The following UMAD1 variants were observed in gnomAD, a reference collection of about 807,000 sequenced individuals.
UMAD1 encodes the protein UBAP1-MVB12-associated (UMA) domain containing 1, also known as UBAP1-MVB12-associated (UMA)-domain containing protein 1.
Under a neutral mutation model 6.1 loss-of-function variants are expected in UMAD1, and 8 were observed. The observed-to-expected ratio is 1.30, with a 90% confidence interval of 0.76 to 2.35. UMAD1 has a LOEUF of 2.35. Among genes scored for constraint, UMAD1 ranks in the 30% most tolerant of loss-of-function variants. The pLI, the probability that UMAD1 is intolerant of heterozygous loss-of-function variation, is 0.00. For synonymous variants in UMAD1, 56 were observed against 31.4 expected (o/e 1.78, Z -2.61); for missense variants, 130 against 78.4 (o/e 1.66, Z -2.49).
At chr7:7,676,566 T>C (rs1322361462) in intron 2 of UMAD1, among the ~76,000 whole-genome samples, 1 of 152,222 alleles carries the variant, frequency 6.6e-6, no homozygotes, top group East Asian at 1.9e-4. Context: ...AGTTGTATTC[T>C]CTACAATTGA....
rs193031188 is a variant in UMAD1 at position 7,658,538 on chromosome 7, C to T, written c.-63-14771C>T. On this transcript the variant is annotated intron_variant, in intron 1 of 3. Transcript: ENST00000682710. ...AGTATGAAGGGCTGTTGAATTTTAT[C>T]GAAGGCCTTTTCTGCATCTATTGAG... 7.4e-3 allele frequency among the ~76,000 whole-genome samples: 1,125 copies of T among 152,226 alleles called. 23 individuals carry two copies. The highest frequency in any genetic ancestry group is 0.026 in the African/African-American group (1,071 of 41,526).
chr7:7,866,026 C>A (rs1295370480), intron 3 of UMAD1, among the ~76,000 whole-genome samples: 1 of 152,106 alleles, frequency 6.6e-6, no homozygotes, highest in Non-Finnish European at 1.5e-5. Context: ...GAGTCACAAA[C>A]CAGTTTATCT....
chr7:7,777,596 T>C (rs1406166216), intron 2 of UMAD1, among the ~76,000 whole-genome samples: 1 of 145,558 alleles, frequency 6.9e-6, no homozygotes, highest in Non-Finnish European at 1.5e-5. Context: ...TATATATATA[T>C]ATATATGTAA....
intron 2 of UMAD1, among the ~76,000 whole-genome samples, chr7:7,758,406 T>A (rs1457382738): frequency 6.6e-6 from 1 of 152,118 alleles, no homozygotes; most frequent in East Asian, 1.9e-4. Flanking sequence ...TTTTTACCCA[T>A]CTTTTTATCT....
intron 2 of UMAD1, among the ~76,000 whole-genome samples, chr7:7,693,856 C>A (rs1251037892): frequency 6.6e-6 from 1 of 151,858 alleles, no homozygotes; most frequent in Non-Finnish European, 1.5e-5. Context: ...ATAATTTTTC[C>A]TCTGTGGTGG....
chr7:7,791,931 G>C (rs1782574458), intron 2 of UMAD1, among the ~76,000 whole-genome samples: 1 of 152,168 alleles, frequency 6.6e-6, no homozygotes, highest in Non-Finnish European at 1.5e-5. Context: ...TTTTAACGTA[G>C]ACTACCTGTT....
chr7:7,844,787 C>T (rs902407656), intron 3 of UMAD1, among the ~76,000 whole-genome samples: 1 of 152,144 alleles, frequency 6.6e-6, no homozygotes, highest in African/African-American at 2.4e-5. Flanking sequence ...GCTAGTGATC[C>T]ATCTAATATG....
intron 1 of UMAD1, among the ~76,000 whole-genome samples, chr7:7,666,693 T>C (rs1171688766): frequency 2.0e-5 from 3 of 152,206 alleles, no homozygotes; most frequent in South Asian, 4.1e-4. Context: ...TGAGCTGTTT[T>C]TTCATTATTG....
intron 3 of UMAD1, among the ~76,000 whole-genome samples, chr7:7,847,276 C>A (rs1783822308): frequency 1.3e-5 from 2 of 150,702 alleles, no homozygotes; most frequent in Non-Finnish European, 3.0e-5. Flanking sequence ...TAGTTCTGAG[C>A]AAACCAAGAT....
chr7:7,875,070 G>A (rs969498136), intron 3 of UMAD1, among the ~76,000 whole-genome samples: 18 of 152,166 alleles, frequency 1.2e-4, no homozygotes, highest in Middle Eastern at 6.8e-3. Context: ...CACCGTGCCC[G>A]GCCCAGAAAA....
intron 1 of UMAD1, among the ~76,000 whole-genome samples, chr7:7,653,479 CTG>C (rs1785272569): frequency 6.6e-6 from 1 of 152,140 alleles, no homozygotes; most frequent in Non-Finnish European, 1.5e-5. Context: ...AGGAAAAAAA[CTG>C]TGGTTTTCAC....
At position 7,847,103 on chromosome 7, in the gene UMAD1, AAATATATATATATAT is replaced by A. The variant is rs1267625305; in HGVS notation, c.157-30176_157-30162del. ...ACAGCAATGCAAAAAAAAAAAAAAA[AAATATATATATATAT>A]ATATATATATATATATATATATATA... On this transcript the variant is annotated intron_variant, in intron 3 of 3. Coordinates refer to ENST00000682710, the MANE Select transcript of UMAD1 (RefSeq NM_001302348.2). Among the ~76,000 whole-genome samples, 24 of 20,766 alleles carry A rather than the reference AAATATATATATATAT, an allele frequency of 1.2e-3. 3 individuals carry two copies. The highest frequency in any genetic ancestry group is 2.2e-3 in the African/African-American group (6 of 2,692). The allele number at this position is 20,766 out of a possible 152,430, so 13.6% of individuals were successfully genotyped here.
intron 3 of UMAD1, among the ~76,000 whole-genome samples, chr7:7,867,992 G>A (rs1784264097): frequency 6.6e-6 from 1 of 151,980 alleles, no homozygotes; most frequent in Non-Finnish European, 1.5e-5. Context: ...GGTGGTTGCT[G>A]TTTTCTCTGT....
intron 2 of UMAD1, among the ~76,000 whole-genome samples, chr7:7,743,031 T>C (rs1781504942): frequency 6.6e-6 from 1 of 152,204 alleles, no homozygotes; most frequent in Non-Finnish European, 1.5e-5. Flanking sequence ...TATATATGTG[T>C]TTACATTCCT....
At chr7:7,789,409 GA>G (rs1782521591) in intron 2 of UMAD1, among the ~76,000 whole-genome samples, 1 of 150,128 alleles carries the variant, frequency 6.7e-6, no homozygotes, top group Non-Finnish European at 1.5e-5. Context: ...AACTAAAATT[GA>G]AAAAGTACCA....
intron 2 of UMAD1, among the ~76,000 whole-genome samples, chr7:7,760,853 A>T (rs1781874572): frequency 6.6e-6 from 1 of 152,172 alleles, no homozygotes; most frequent in South Asian, 2.1e-4. Context: ...TTTTTTGAAA[A>T]GTTTTACTAG....
chr7:7,742,816 G>A (rs1473734888), intron 2 of UMAD1, among the ~76,000 whole-genome samples: 1 of 152,018 alleles, frequency 6.6e-6, no homozygotes, highest in African/African-American at 2.4e-5. Context: ...TGTATAAAAT[G>A]GCACTGTGAT....
intron 2 of UMAD1, among the ~76,000 whole-genome samples, chr7:7,726,626 T>G (rs1781142473): frequency 6.6e-6 from 1 of 152,196 alleles, no homozygotes; most frequent in Admixed American, 6.5e-5. Context: ...TCACCCCTAG[T>G]GACCCACTAG....
rs887246509 is a variant in UMAD1 at position 7,755,800 on chromosome 7, G to A, written c.83-45870G>A. Reference sequence around the variant, plus strand: ...ACGTATGTAATGTTAGCATCCCAGTGCCACTAGTGCAAGGCAGACTCCCAT... The same window carrying A: ...ACGTATGTAATGTTAGCATCCCAGTACCACTAGTGCAAGGCAGACTCCCAT... On this transcript the variant is annotated intron_variant, in intron 2 of 3. Coordinates refer to ENST00000682710, the MANE Select transcript of UMAD1 (RefSeq NM_001302348.2). Among the ~76,000 whole-genome samples the A allele has an allele frequency of 5.2e-4, 79 of 152,132 alleles. 1 individual carries two copies. The highest frequency in any genetic ancestry group is 3.9e-4 in the Admixed American group (6 of 15,272).
Sources: gnomAD v4.1 joint callset for allele counts (sites outside exome capture counted in the v4.1 genomes callset) on GRCh38, gnomAD v4.1.1 for gene constraint, MANE v1.5 for transcripts, NCBI Gene and HGNC (gene_info 2026-07-23, HGNC 2026-07-21) for gene names.